Variants in MPP7 observed in about 807,000 individuals in gnomAD.
The protein encoded by MPP7 is MAGUK p55 subfamily member 7.
In MPP7, 60 loss-of-function variants were observed where a neutral mutation model predicts 76.5. That is an observed-to-expected ratio of 0.78 (90% CI 0.64 to 0.97). The LOEUF (loss-of-function observed/expected upper bound fraction) is 0.97. Ranked by LOEUF, MPP7 falls within the 50% of genes least tolerant of loss-of-function variation. The pLI is 0.00. For missense variants in MPP7, 641 were observed against 694.0 expected, an observed-to-expected ratio of 0.92 and a Z score of 0.86; for synonymous variants, 237 against 244.5, an observed-to-expected ratio of 0.97 and a Z score of 0.29.
intron 1 of MPP7, among the ~76,000 whole-genome samples, chr10:28,285,727 C>CA (rs1330689418): frequency 1.3e-5 from 2 of 150,508 alleles, no homozygotes; most frequent in South Asian, 2.1e-4. Flanking sequence ...GTAGTTTTGC[C>CA]AAAAAAAATA....
chr10:28,316,435 TAAAAAAAAAAAAAAAAAAAAAAAAAA>T (rs549621404), intron 2 of MPP7, among the ~76,000 whole-genome samples: 1 of 37,136 alleles, frequency 2.7e-5, no homozygotes, highest in Non-Finnish European at 5.4e-5. Flanking sequence ...ACTCTGTCTT[TAAAAAAAAAAAAAAAAAAAAAAAAAA>T]AAAAAAAAAA....
intron 1 of MPP7, among the ~76,000 whole-genome samples, chr10:28,258,382 TTA>T (rs59151395): frequency 0.028 from 3,920 of 141,172 alleles, 147 homozygotes; most frequent in African/African-American, 0.081. Flanking sequence ...ATATTAAATA[TTA>T]TATATATATA....
intron 12 of MPP7, among the ~76,000 whole-genome samples, chr10:28,083,183 G>A (rs189271301): frequency 4.6e-5 from 7 of 152,248 alleles, no homozygotes; most frequent in Non-Finnish European, 1.5e-5. Context: ...ATTTCTCCAC[G>A]TAACAGGCTC....
intron 1 of MPP7, among the ~76,000 whole-genome samples, chr10:28,300,036 G>A (rs558706715): frequency 6.6e-6 from 1 of 152,122 alleles, no homozygotes; most frequent in South Asian, 2.1e-4. Flanking sequence ...CAAAGTGCTG[G>A]GATTACAGGC....
upstream of MPP7, among the ~76,000 whole-genome samples, chr10:28,307,968 G>A (rs575152986): frequency 5.9e-5 from 9 of 152,268 alleles, no homozygotes; most frequent in Non-Finnish European, 1.2e-4. Context: ...CTTTTCTTGG[G>A]TTCTTAGAGA....
chr10:28,157,147 T>G, intron 3 of MPP7, among the ~76,000 whole-genome samples: 1 of 151,710 alleles, frequency 6.6e-6, no homozygotes, highest in South Asian at 2.1e-4. Flanking sequence ...GAGGCAGAGG[T>G]TGCAGTGAGC....
chr10:28,085,663 G>A (rs936294725), intron 12 of MPP7, among the ~76,000 whole-genome samples: 12 of 152,166 alleles, frequency 7.9e-5, no homozygotes, highest in African/African-American at 2.9e-4. Context: ...CCACTTGGGA[G>A]CATCAGTATT....
At position 28,235,828 on chromosome 10, in the gene MPP7, GA is replaced by G. The variant is rs774302422; in HGVS notation, c.37+2739del. On this transcript the variant is annotated intron_variant, in intron 2 of 16. Coordinates refer to ENST00000683449, the MANE Select transcript of MPP7 (RefSeq NM_001318170.2). ...AGAAATGTTATTATTTAAGGAATAA[GA>G]AGGACAAATGACTGACCAGAAGAAA... Among the ~76,000 whole-genome samples the G allele has an allele frequency of 2.3e-4, 35 of 152,292 alleles. 1 individual carries two copies. The highest frequency in any genetic ancestry group is 4.1e-4 in the Non-Finnish European group (28 of 68,018).
At chr10:28,231,325 C>T (rs1179248405) in intron 2 of MPP7, among the ~76,000 whole-genome samples, 2 of 150,758 alleles carry the variant, frequency 1.3e-5, no homozygotes, top group African/African-American at 4.9e-5. Flanking sequence ...AGAAATAGTC[C>T]TAAATGTGAA....
chr10:28,197,968 G>A (rs1452605555), intron 3 of MPP7, among the ~76,000 whole-genome samples: 2 of 152,146 alleles, frequency 1.3e-5, no homozygotes, highest in African/African-American at 4.8e-5. Context: ...AGGGGTCTGA[G>A]TATTTATCAT....
intron 2 of MPP7, among the ~76,000 whole-genome samples, chr10:28,326,335 A>G (rs188571582): frequency 4.9e-4 from 75 of 152,328 alleles, no homozygotes; most frequent in Non-Finnish European, 1.0e-4. Flanking sequence ...AAGGGCTGCT[A>G]CAAATGAAGG....
intron 1 of MPP7, among the ~76,000 whole-genome samples, chr10:28,257,387 C>T (rs898258508): frequency 6.6e-6 from 1 of 151,830 alleles, no homozygotes; most frequent in African/African-American, 2.4e-5. Flanking sequence ...ATAAAACTCC[C>T]AAAGAAAACC....
chr10:28,232,852 T>A (rs956902856), intron 2 of MPP7, among the ~76,000 whole-genome samples: 1 of 152,188 alleles, frequency 6.6e-6, no homozygotes, highest in Non-Finnish European at 1.5e-5. Context: ...GATGGTCACA[T>A]GGATATGACC....
At chr10:28,096,329 CTCT>C (rs1853569637) in intron 11 of MPP7, among the ~76,000 whole-genome samples, 1 of 152,198 alleles carries the variant, frequency 6.6e-6, no homozygotes, top group Admixed American at 6.5e-5. Context: ...GACTTCTAAT[CTCT>C]TCTTTAAAAT....
chr10:28,315,855 A>G (rs1481272233), intron 2 of MPP7, among the ~76,000 whole-genome samples: 1 of 152,150 alleles, frequency 6.6e-6, no homozygotes, highest in Non-Finnish European at 1.5e-5. Context: ...CCAGCTGATC[A>G]AGGTCAACAT....
At chr10:28,331,103 T>C (rs1266854375) in intron 1 of MPP7, among the ~76,000 whole-genome samples, 1 of 152,248 alleles carries the variant, frequency 6.6e-6, no homozygotes, top group Non-Finnish European at 1.5e-5. Context: ...TCATATCTAC[T>C]TTGTTCACTG....
In MPP7 at chr10:28,206,957, T is replaced by TA. The variant is rs949498938; in HGVS notation, c.38-4687dup. 3.9e-5 allele frequency among the ~76,000 whole-genome samples: 6 copies of TA among 152,310 alleles called. No homozygotes were observed. In the South Asian group the frequency reaches 6.2e-4, roughly 16 times the overall value. On this transcript the variant is annotated intron_variant, in intron 2 of 16. Coordinates refer to ENST00000683449, the MANE Select transcript of MPP7 (RefSeq NM_001318170.2). ...TGTCTTGATGAATAGTGTCCTTTTT[T>TA]AAAAAACAATTCTGTCAGGTGGCCT...
chr10:28,118,250 A>G, intron 11 of MPP7: 2 of 985,284 alleles, frequency 2.0e-6, no homozygotes, highest in South Asian at 4.7e-5. Context: ...TGAAAGAGCT[A>G]TTAAAAAGCA....
chr10:28,085,577 G>A (rs1852969581), intron 12 of MPP7, among the ~76,000 whole-genome samples: 2 of 152,144 alleles, frequency 1.3e-5, no homozygotes, highest in African/African-American at 4.8e-5. Flanking sequence ...TTAAGGCCTG[G>A]AAATCTATAG....
Sources: allele counts gnomAD v4.1 joint callset (sites outside exome capture counted in the v4.1 genomes callset), GRCh38; gene constraint gnomAD v4.1.1; transcripts MANE v1.5; gene names NCBI Gene and HGNC (gene_info 2026-07-23, HGNC 2026-07-21).